Variants in GALNTL6 observed in about 807,000 individuals in gnomAD.
GALNTL6 encodes polypeptide N-acetylgalactosaminyltransferase like 6, also known as polypeptide N-acetylgalactosaminyltransferase-like 6.
In GALNTL6, 46 loss-of-function variants were observed where a neutral mutation model predicts 73.7. That is an observed-to-expected ratio of 0.62 (90% CI 0.49 to 0.80). The LOEUF (loss-of-function observed/expected upper bound fraction) is 0.80, where lower values mean the gene tolerates loss of function less well. Among genes scored for constraint, GALNTL6 ranks in the 30% least tolerant of loss-of-function variants. The pLI is 0.00. For missense variants in GALNTL6, 604 were observed against 755.0 expected, an observed-to-expected ratio of 0.80 and a Z score of 2.34; for synonymous variants, 259 against 263.7, an observed-to-expected ratio of 0.98 and a Z score of 0.17.
chr4:172,126,574 A>G (rs2111009113), intron 2 of GALNTL6, among the ~76,000 whole-genome samples: 1 of 152,278 alleles, frequency 6.6e-6, no homozygotes, highest in Non-Finnish European at 1.5e-5. Flanking sequence ...AGTGTGGGCA[A>G]AGGGTAAGTG....
chr4:172,423,790 C>T (rs1262867468), intron 5 of GALNTL6, among the ~76,000 whole-genome samples: 1 of 151,924 alleles, frequency 6.6e-6, no homozygotes, highest in Non-Finnish European at 1.5e-5. Flanking sequence ...ACATAGTAAC[C>T]ACTCAAGAAA....
chr4:172,224,503 T>C (rs1220068308), intron 2 of GALNTL6, among the ~76,000 whole-genome samples: 1 of 152,252 alleles, frequency 6.6e-6, no homozygotes, highest in Non-Finnish European at 1.5e-5. Context: ...TCTTCACAGT[T>C]TCACAAATGT....
chr4:171,912,206 CTG>C (rs1170937402), intron 2 of GALNTL6, among the ~76,000 whole-genome samples: 1 of 152,070 alleles, frequency 6.6e-6, no homozygotes, highest in African/African-American at 2.4e-5. Flanking sequence ...TATTTATAGA[CTG>C]TGGTTCTACA....
intron 5 of GALNTL6, among the ~76,000 whole-genome samples, chr4:172,627,012 G>T (rs1026294076): frequency 2.6e-5 from 4 of 151,976 alleles, no homozygotes; most frequent in Non-Finnish European, 5.9e-5. Context: ...GATTGCTTTG[G>T]CTAGGACTTT....
Position 172,793,020 on chromosome 4 carries a change from C to T in GALNTL6, c.554-16341C>T, listed in dbSNP as rs374817899. The stretch of plus-strand genomic sequence containing the variant: ...GAGCCCTATTTGGAGACATTATCGC[C>T]CCATGTGAAAACTTACTATATCCCT... On this transcript the variant is annotated intron_variant, in intron 5 of 12. Coordinates refer to ENST00000506823, the MANE Select transcript of GALNTL6 (RefSeq NM_001034845.3). 2.6e-5 allele frequency among the ~76,000 whole-genome samples: 4 copies of T among 152,212 alleles called. No individual in the cohort carries two copies. In the East Asian group the frequency reaches 7.7e-4, roughly 29 times the overall value.
intron 7 of GALNTL6, among the ~76,000 whole-genome samples, chr4:172,838,978 TAG>T (rs1317538027): frequency 1.3e-5 from 2 of 152,190 alleles, no homozygotes; most frequent in African/African-American, 2.4e-5. Flanking sequence ...TGAACTAATT[TAG>T]AGTTTGTTTT....
chr4:171,826,652 G>A (rs1734833731), intron 2 of GALNTL6, among the ~76,000 whole-genome samples: 1 of 151,992 alleles, frequency 6.6e-6, no homozygotes, highest in African/African-American at 2.4e-5. Flanking sequence ...TTTCAAAGCC[G>A]CATATCATTA....
chr4:172,141,979 T>C (rs543785092), intron 2 of GALNTL6, among the ~76,000 whole-genome samples: 1 of 151,918 alleles, frequency 6.6e-6, no homozygotes, highest in African/African-American at 2.4e-5. Context: ...TAACATGTCA[T>C]AGATTTGCTG....
At chr4:172,496,357 T>C (rs774416777) in intron 5 of GALNTL6, among the ~76,000 whole-genome samples, 3 of 152,156 alleles carry the variant, frequency 2.0e-5, no homozygotes, top group Non-Finnish European at 4.4e-5. Context: ...CTTGGATTTC[T>C]AGAAATAAGT....
chr4:172,994,607 C>T (rs922442952), intron 10 of GALNTL6, among the ~76,000 whole-genome samples: 1 of 152,196 alleles, frequency 6.6e-6, no homozygotes, highest in African/African-American at 2.4e-5. Context: ...GCCAAGTCAT[C>T]TCTTTTAATA....
chr4:172,947,920 C>G (rs985883947), intron 9 of GALNTL6, among the ~76,000 whole-genome samples: 6 of 152,172 alleles, frequency 3.9e-5, no homozygotes, highest in African/African-American at 1.4e-4. Flanking sequence ...CAATGAAACT[C>G]TCTTTTTGCA....
At chr4:172,490,426 C>A (rs1733854521) in intron 5 of GALNTL6, among the ~76,000 whole-genome samples, 1 of 152,074 alleles carries the variant, frequency 6.6e-6, no homozygotes, top group South Asian at 2.1e-4. Context: ...AAGAAATTTT[C>A]TGCATTTTTA....
chr4:172,246,639 T>C (rs138404671), intron 3 of GALNTL6, among the ~76,000 whole-genome samples: 1 of 152,010 alleles, frequency 6.6e-6, no homozygotes, highest in Non-Finnish European at 1.5e-5. Context: ...AACAAAAATT[T>C]AGTATGGATT....
At chr4:172,043,426 C>T (rs1191852679) in intron 2 of GALNTL6, among the ~76,000 whole-genome samples, 1 of 151,878 alleles carries the variant, frequency 6.6e-6, no homozygotes, top group Non-Finnish European at 1.5e-5. Context: ...TTGGAAGAGG[C>T]CAGACTTTAT....
chr4:172,073,979 T>A (rs1480560062), intron 2 of GALNTL6, among the ~76,000 whole-genome samples: 1 of 152,198 alleles, frequency 6.6e-6, no homozygotes, highest in Non-Finnish European at 1.5e-5. Context: ...AAGTTACTAC[T>A]TCTTCAGTAA....
chr4:171,969,424 T>C (rs1315246862), intron 2 of GALNTL6, among the ~76,000 whole-genome samples: 2 of 152,236 alleles, frequency 1.3e-5, no homozygotes, highest in Admixed American at 1.3e-4. Flanking sequence ...ATTATCCGTG[T>C]CCTCTATATG....
At chr4:172,246,998 C>T (rs1043138475) in intron 3 of GALNTL6, among the ~76,000 whole-genome samples, 4 of 152,016 alleles carry the variant, frequency 2.6e-5, no homozygotes, top group Non-Finnish European at 4.4e-5. Context: ...ATTTATAACA[C>T]ATGTGATCCG....
chr4:171,880,621 T>C (rs1736420681), intron 2 of GALNTL6, among the ~76,000 whole-genome samples: 1 of 151,848 alleles, frequency 6.6e-6, no homozygotes, highest in South Asian at 2.1e-4. Flanking sequence ...GATGACAAAA[T>C]ATAAGGTGGG....
chr4:172,111,048 A>AT (rs1186430398), intron 2 of GALNTL6, among the ~76,000 whole-genome samples: 2 of 152,034 alleles, frequency 1.3e-5, no homozygotes, highest in Non-Finnish European at 2.9e-5. Context: ...TGGAAGTCCC[A>AT]TTTGGATCTT....
Sources: allele counts gnomAD v4.1 joint callset (sites outside exome capture counted in the v4.1 genomes callset), GRCh38; gene constraint gnomAD v4.1.1; transcripts MANE v1.5; gene names NCBI Gene and HGNC (gene_info 2026-07-23, HGNC 2026-07-21).